H3C4: variants seen among roughly 807,000 people sequenced by gnomAD.
H3C4 encodes the protein H3 clustered histone 4.
H3C4 carries 10 observed loss-of-function variants against 8.7 expected under a neutral mutation model. The observed-to-expected ratio is 1.15, with a 90% confidence interval of 0.71 to 1.96. H3C4 has a LOEUF of 1.96. Ranked by LOEUF, H3C4 falls within the 30% of genes most tolerant of loss-of-function variation. The pLI is 0.00. For synonymous variants in H3C4, 141 were observed against 80.1 expected (o/e 1.76, Z -4.06); for missense variants, 216 against 192.9 (o/e 1.12, Z -0.71).
upstream of H3C4, chr6:26,199,103 G>A (rs370218182): frequency 1.2e-6 from 2 of 1,614,166 alleles, no homozygotes; most frequent in South Asian, 1.1e-5. Context: ...ACACTGGCGC[G>A]CCGGCCCCGA....
upstream of H3C4, chr6:26,199,038 T>G (rs1374620910): frequency 6.2e-7 from 1 of 1,613,876 alleles, no homozygotes; most frequent in Non-Finnish European, 8.5e-7. Flanking sequence ...GCGGGCGGCG[T>G]TGCCCGCCAG....
upstream of H3C4, among the ~76,000 whole-genome samples, chr6:26,198,617 G>C (rs2179517): frequency 0.54 from 81,868 of 152,128 alleles, 22,797 homozygotes; most frequent in East Asian, 0.92. Flanking sequence ...CAGGCGTAAG[G>C]AACCGCGCCC....
At chr6:26,198,914 G>C (rs749812440), upstream of H3C4, 1 of 1,614,232 alleles carries the variant, frequency 6.2e-7, no homozygotes, top group Non-Finnish European at 8.5e-7. Context: ...CCTGGATGTT[G>C]GGCAGAACAC....
At chr6:26,199,213 C>A (rs201905916), upstream of H3C4, 15 of 1,607,534 alleles carry the variant, frequency 9.3e-6, no homozygotes, top group Non-Finnish European at 1.3e-5. Flanking sequence ...TTAGCTCGGG[C>A]CTTTCCGCCT....
upstream of H3C4, chr6:26,199,225 G>GA: frequency 6.2e-7 from 1 of 1,603,886 alleles, no homozygotes; most frequent in Middle Eastern, 1.7e-4. Context: ...TTTCCGCCTT[G>GA]CTTGCCGCGT....
rs768810741 is a variant in H3C4 at position 26,197,172 on chromosome 6, G to T, written c.79C>A (p.Arg27=). 3 of 1,614,116 alleles carry T rather than the reference G, an allele frequency of 1.9e-6. No homozygotes were observed. Among genetic ancestry groups the T allele is most frequent in the East Asian group, 2.2e-5 (1 of 44,886 alleles). ...PRKQLATKAA[R]KSAPATGGVK... ...CCGCCGGTGGCTGGAGCGCTCTTTC[G>T]AGCAGCCTTGGTGGCCAGCTGCTTG... Residue 27 remains arginine, a synonymous_variant, in exon 1 of 1, where the codon CGA becomes AGA. Coordinates refer to ENST00000356476, the MANE Select transcript of H3C4 (RefSeq NM_001376937.1).
chr6:26,198,933 G>GC, upstream of H3C4: 1 of 1,614,244 alleles, frequency 6.2e-7, no homozygotes, highest in Non-Finnish European at 8.5e-7. Context: ...ACCGCCCTGA[G>GC]CAATTGTGAC....
At chr6:26,199,122 G>T (rs769958944), upstream of H3C4, 1 of 1,614,228 alleles carries the variant, frequency 6.2e-7, no homozygotes, top group South Asian at 1.1e-5. Flanking sequence ...GACTCGCTCG[G>T]AGTAGTTGCC....
At chr6:26,197,907 A>T (rs958365581), upstream of H3C4, among the ~76,000 whole-genome samples, 1 of 148,476 alleles carries the variant, frequency 6.7e-6, no homozygotes, top group Non-Finnish European at 1.5e-5. Flanking sequence ...AAAAAGCCAA[A>T]TTTATAAATG....
At position 26,196,823 on chromosome 6, in the gene H3C4, C is replaced by G; in HGVS notation, c.*17G>C. The G allele has an allele frequency of 6.2e-7, 1 of 1,614,090 alleles. No individual in the cohort carries two copies. The highest frequency in any genetic ancestry group is 1.1e-5 in the South Asian group (1 of 91,084). ...AAGAGCCTTTGGGTTTTGGTTAGCACACATTCACAAGACAATTTACGCCCT... is the reference window on the plus strand; with the variant it reads ...AAGAGCCTTTGGGTTTTGGTTAGCAGACATTCACAAGACAATTTACGCCCT... On this transcript the variant is annotated 3_prime_UTR_variant, in exon 1 of 1. Coordinates refer to ENST00000356476, the MANE Select transcript of H3C4 (RefSeq NM_001376937.1).
rs1448691418 is a variant in H3C4 at position 26,196,984 on chromosome 6, C to T, written c.267G>A (p.Ala89=). The T allele has an allele frequency of 7.4e-6, 12 of 1,614,128 alleles. No individual in the cohort carries two copies. The highest frequency in any genetic ancestry group is 3.3e-5 in the Admixed American group (2 of 60,012). Residue 89 remains alanine, a synonymous_variant, in exon 1 of 1, where the codon GCG becomes GCA. Coordinates refer to ENST00000356476, the MANE Select transcript of H3C4 (RefSeq NM_001376937.1). ...FKTDLRFQSS[A]VMALQEACEA... ...CGCAGGCCTCCTGCAGCGCCATCAC[C>T]GCCGAGCTCTGAAAACGCAGATCAG...
At chr6:26,198,995 G>C (rs1159046597), upstream of H3C4, 3 of 1,614,186 alleles carry the variant, frequency 1.9e-6, no homozygotes, top group South Asian at 3.3e-5. Context: ...CCAGCTGCAG[G>C]TGTCGGGGGA....
rs2113856697 is a variant in H3C4 at position 26,197,073 on chromosome 6, C to T, written c.178G>A (p.Glu60Lys). Residue 60 changes from glutamate to lysine, a missense_variant, in exon 1 of 1, where the codon GAG (glutamate) becomes AAG (lysine). Physicochemically the swap from Glu to Lys is moderately conservative, Grantham distance 56. Transcript: ENST00000356476. ...AATGGCAGTTTGCGAATCAGCAGCT[C>T]GGTCGACTTCTGGTAGCGGCGGATC... ...REIRRYQKST[E>K]LLIRKLPFQR... The T allele has an allele frequency of 6.2e-7, 1 of 1,614,216 alleles. No homozygotes were observed. The highest frequency in any genetic ancestry group is 8.5e-7 in the Non-Finnish European group (1 of 1,180,038).
At chr6:26,198,563 A>AC (rs1019720518), upstream of H3C4, among the ~76,000 whole-genome samples, 1 of 151,942 alleles carries the variant, frequency 6.6e-6, no homozygotes, top group African/African-American at 2.4e-5. Context: ...GGAACTCCTG[A>AC]CCCTGTGATC....
upstream of H3C4, chr6:26,199,238 G>T: frequency 6.3e-7 from 1 of 1,594,812 alleles, no homozygotes; most frequent in East Asian, 2.2e-5. Context: ...TGCCGCGTCC[G>T]GACATTTTGA....
Position 26,197,256 on chromosome 6 carries a change from A to G in H3C4, c.-6T>C, listed in dbSNP as rs1314010621. The G allele has an allele frequency of 3.7e-6, 6 of 1,602,198 alleles. No individual in the cohort carries two copies. The highest frequency in any genetic ancestry group is 1.4e-5 in the African/African-American group (1 of 73,828). ...GTCTGCTTGGTACGAGCCATTGCGA[A>G]CTTCTAAACCCTGCTAAATGACGAA... On this transcript the variant is annotated 5_prime_UTR_variant, in exon 1 of 1. Coordinates refer to ENST00000356476, the MANE Select transcript of H3C4 (RefSeq NM_001376937.1).
At chr6:26,199,181 C>G (rs758098633), upstream of H3C4, 1 of 1,613,948 alleles carries the variant, frequency 6.2e-7, no homozygotes, top group African/African-American at 1.3e-5. Context: ...GGAGTCCGGC[C>G]CGCGAAGAGC....
At chr6:26,197,986 G>C (rs1765020406), upstream of H3C4, among the ~76,000 whole-genome samples, 1 of 151,722 alleles carries the variant, frequency 6.6e-6, no homozygotes, top group Non-Finnish European at 1.5e-5. Flanking sequence ...CCTAAGGGCC[G>C]TCTGGCTCCA....
At chr6:26,199,111 C>T (rs746957898), upstream of H3C4, 1 of 1,614,172 alleles carries the variant, frequency 6.2e-7, no homozygotes, top group Non-Finnish European at 8.5e-7. Flanking sequence ...GCGCCGGCCC[C>T]GACTCGCTCG....
Sources: allele counts gnomAD v4.1 joint callset (sites outside exome capture counted in the v4.1 genomes callset), GRCh38; gene constraint gnomAD v4.1.1; transcripts MANE v1.5; gene names NCBI Gene and HGNC (gene_info 2026-07-23, HGNC 2026-07-21).